Variants in SYN3 observed in about 807,000 individuals in gnomAD.
SYN3 encodes synapsin-3.
Under a neutral mutation model 65.8 loss-of-function variants are expected in SYN3, and 35 were observed. The ratio of observed to expected loss-of-function variants is 0.53; its 90% CI spans 0.41 to 0.70. The LOEUF (loss-of-function observed/expected upper bound fraction) is 0.70. Ranked by LOEUF, SYN3 falls within the 30% of genes least tolerant of loss-of-function variation. The probability of loss-of-function intolerance (pLI) is 0.00; values close to 1 mark genes in which losing one functional copy is unlikely to be tolerated. For missense variants in SYN3, 680 were observed against 749.0 expected (o/e 0.91, Z 1.08); for synonymous variants, 270 against 292.9 (o/e 0.92, Z 0.80).
rs141815773 is a variant in SYN3 at position 32,745,602 on chromosome 22, G to A, written c.711+119313C>T. Among the ~76,000 whole-genome samples the A allele has an allele frequency of 3.6e-3, 548 of 152,294 alleles. 2 individuals carry two copies. The highest frequency in any genetic ancestry group is 0.012 in the African/African-American group (511 of 41,570). ...GGTCTGCAAGACGCAGCCACTGCACGGCCCTGGGTTAGTCACAGCAAAGGT... is the reference window on the plus strand; with the variant it reads ...GGTCTGCAAGACGCAGCCACTGCACAGCCCTGGGTTAGTCACAGCAAAGGT... On this transcript the variant is annotated intron_variant, in intron 6 of 13. Coordinates refer to ENST00000358763, the MANE Select transcript of SYN3 (RefSeq NM_003490.4).
chr22:32,807,691 C>T (rs2046802428), intron 6 of SYN3, among the ~76,000 whole-genome samples: 1 of 150,782 alleles, frequency 6.6e-6, no homozygotes, highest in Non-Finnish European at 1.5e-5. Context: ...AGCCCCTTCA[C>T]CCTGGCTCTA....
intron 6 of SYN3, among the ~76,000 whole-genome samples, chr22:32,841,577 G>A (rs1008418408): frequency 1.8e-4 from 28 of 151,998 alleles, no homozygotes; most frequent in African/African-American, 6.8e-4. Flanking sequence ...TCGAATTTGA[G>A]ATGTTTTATT....
At chr22:32,866,811 T>A (rs774199612) in intron 5 of SYN3, among the ~76,000 whole-genome samples, 1 of 152,158 alleles carries the variant, frequency 6.6e-6, no homozygotes, top group Non-Finnish European at 1.5e-5. Context: ...GTAAATTCTA[T>A]CCATACCTAT....
intron 6 of SYN3, among the ~76,000 whole-genome samples, chr22:32,705,466 T>C (rs1323728277): frequency 6.6e-6 from 1 of 152,224 alleles, no homozygotes; most frequent in East Asian, 1.9e-4. Flanking sequence ...AGCCTTGTAG[T>C]ATAGTTTGAA....
chr22:32,802,201 C>T, intron 6 of SYN3: 1 of 1,513,296 alleles, frequency 6.6e-7, no homozygotes, highest in East Asian at 2.5e-5. Flanking sequence ...AGGGCGAGCC[C>T]CACTCCTTTC....
At chr22:32,937,275 A>G (rs2050799893) in intron 3 of SYN3, among the ~76,000 whole-genome samples, 1 of 152,240 alleles carries the variant, frequency 6.6e-6, no homozygotes, top group Non-Finnish European at 1.5e-5. Flanking sequence ...ATATTTTAAA[A>G]ATTAAAAATG....
At chr22:32,894,941 T>C (rs562953037) in intron 4 of SYN3, among the ~76,000 whole-genome samples, 1 of 152,318 alleles carries the variant, frequency 6.6e-6, no homozygotes, top group East Asian at 1.9e-4. Context: ...AAATGATCCA[T>C]AGTATAAACC....
chr22:32,657,306 G>A (rs796723394), intron 6 of SYN3, among the ~76,000 whole-genome samples: 243 of 152,176 alleles, frequency 1.6e-3, no homozygotes, highest in African/African-American at 4.6e-3. Context: ...TGTATTTTTA[G>A]TAGAGACGGG....
chr22:32,683,477 A>G (rs1339499296), intron 6 of SYN3, among the ~76,000 whole-genome samples: 2 of 152,110 alleles, frequency 1.3e-5, no homozygotes, highest in Non-Finnish European at 2.9e-5. Flanking sequence ...CGGGTGGTTT[A>G]AAAACAGCAG....
chr22:32,744,686 C>T (rs1194067882), intron 6 of SYN3, among the ~76,000 whole-genome samples: 3 of 152,162 alleles, frequency 2.0e-5, no homozygotes, highest in South Asian at 2.1e-4. Flanking sequence ...TCTGTCAACC[C>T]GGAGAAGCAG....
intron 6 of SYN3, 73 bp from the exon 7 acceptor site, chr22:32,596,809 C>A: frequency 1.7e-5 from 25 of 1,454,288 alleles, no homozygotes; most frequent in Non-Finnish European, 2.2e-5. Flanking sequence ...GCTGCTTGTT[C>A]CATAGAAAGA....
chr22:32,523,454 A>G (rs1026813967), intron 12 of SYN3, among the ~76,000 whole-genome samples: 1 of 152,204 alleles, frequency 6.6e-6, no homozygotes, highest in Non-Finnish European at 1.5e-5. Context: ...CAGAGGTTGC[A>G]GTGAGCTGAG....
At chr22:33,028,279 G>A (rs1364580626) in intron 1 of SYN3, among the ~76,000 whole-genome samples, 1 of 152,160 alleles carries the variant, frequency 6.6e-6, no homozygotes, top group East Asian at 1.9e-4. Context: ...AGGGAGCAGA[G>A]AGTGGGACAG....
intron 4 of SYN3, among the ~76,000 whole-genome samples, chr22:32,906,860 G>A (rs1473402252): frequency 6.6e-6 from 1 of 152,194 alleles, no homozygotes; most frequent in African/African-American, 2.4e-5. Flanking sequence ...TGGCTGCATA[G>A]TATTCCATGG....
intron 1 of SYN3, among the ~76,000 whole-genome samples, chr22:33,055,151 T>G (rs1011625761): frequency 6.6e-6 from 1 of 152,228 alleles, no homozygotes; most frequent in Non-Finnish European, 1.5e-5. Flanking sequence ...CTAAGCACCT[T>G]TCTTCAAGGA....
chr22:32,521,794 C>T (rs1266125918), intron 12 of SYN3, among the ~76,000 whole-genome samples: 1 of 152,200 alleles, frequency 6.6e-6, no homozygotes, highest in African/African-American at 2.4e-5. Flanking sequence ...TCTAAACCCA[C>T]CGCAGTTCAA....
intron 6 of SYN3, among the ~76,000 whole-genome samples, chr22:32,730,017 A>C (rs1270590980): frequency 6.6e-6 from 1 of 152,230 alleles, no homozygotes; most frequent in African/African-American, 2.4e-5. Flanking sequence ...GAGATGGATG[A>C]CAATGATAAA....
At chr22:32,571,123 T>C (rs1050056263) in intron 7 of SYN3, among the ~76,000 whole-genome samples, 1 of 152,208 alleles carries the variant, frequency 6.6e-6, no homozygotes, top group Admixed American at 6.5e-5. Flanking sequence ...TCTTTAGGGC[T>C]TTTGGTGCTA....
intron 4 of SYN3, among the ~76,000 whole-genome samples, chr22:32,886,613 T>C (rs1294400956): frequency 1.3e-5 from 2 of 152,244 alleles, no homozygotes. Context: ...AACACTAATA[T>C]AATCATCATG....
Sources: allele counts gnomAD v4.1 joint callset (sites outside exome capture counted in the v4.1 genomes callset), GRCh38; gene constraint gnomAD v4.1.1; transcripts MANE v1.5; gene names NCBI Gene and HGNC (gene_info 2026-07-23, HGNC 2026-07-21).